The following ARHGEF10L variants were observed in gnomAD, a reference collection of about 807,000 sequenced individuals.
ARHGEF10L encodes the protein rho guanine nucleotide exchange factor 10-like protein.
A neutral mutation model predicts 141.2 loss-of-function variants in ARHGEF10L; 69 were observed. That is an observed-to-expected ratio of 0.49 (90% CI 0.40 to 0.60). ARHGEF10L has a LOEUF of 0.60. ARHGEF10L is among the 20% of genes least tolerant of loss of function. The pLI is 0.00. For missense variants in ARHGEF10L, 1,482 were observed against 1,734.3 expected (o/e 0.85, Z 2.58); for synonymous variants, 711 against 718.5 (o/e 0.99, Z 0.17).
the ARHGEF10L span, among the ~76,000 whole-genome samples, chr1:17,515,965 C>T: frequency 6.6e-6 from 1 of 152,226 alleles, no homozygotes; most frequent in South Asian, 2.1e-4. Flanking sequence ...AAAGTTGAGC[C>T]TCAGTTAATG....
upstream of ARHGEF10L, among the ~76,000 whole-genome samples, chr1:17,535,503 C>T (rs1476188635): frequency 6.6e-6 from 1 of 152,164 alleles, no homozygotes; most frequent in Non-Finnish European, 1.5e-5. Flanking sequence ...CCTGGGTCCC[C>T]ATCTTGGCTT....
intron 1 of ARHGEF10L, 139 bp from the exon 2 acceptor site, chr1:17,580,414 G>A: frequency 1.5e-6 from 1 of 678,730 alleles, no homozygotes; most frequent in East Asian, 2.7e-5. Flanking sequence ...GAAGGCTGGA[G>A]GCTGGGGCCT....
At chr1:17,578,427 G>C (rs765342609) in intron 1 of ARHGEF10L, among the ~76,000 whole-genome samples, 15 of 152,232 alleles carry the variant, frequency 9.9e-5, no homozygotes, top group Non-Finnish European at 2.2e-4. Context: ...GTTCACATCT[G>C]TGATCCCAGC....
chr1:17,583,058 T>TC (rs2078713301), intron 2 of ARHGEF10L, among the ~76,000 whole-genome samples: 2 of 75,406 alleles, frequency 2.7e-5, no homozygotes, highest in African/African-American at 1.5e-4. Flanking sequence ...CTACAAAAAA[T>TC]GAAAAAAAAA....
intron 4 of ARHGEF10L, among the ~76,000 whole-genome samples, chr1:17,590,840 A>G (rs899442198): frequency 6.6e-6 from 1 of 152,160 alleles, no homozygotes; most frequent in Non-Finnish European, 1.5e-5. Flanking sequence ...TACAAAAATT[A>G]GCCGGTCCTG....
intron 4 of ARHGEF10L, among the ~76,000 whole-genome samples, chr1:17,595,036 C>G (rs1318618037): frequency 2.0e-5 from 3 of 151,918 alleles, no homozygotes; most frequent in Non-Finnish European, 4.4e-5. Context: ...CTCTCTCTTC[C>G]TTTTTAAAAA....
At chr1:17,653,899 G>A (rs2102004808) in intron 22 of ARHGEF10L, among the ~76,000 whole-genome samples, 1 of 152,344 alleles carries the variant, frequency 6.6e-6, no homozygotes, top group South Asian at 2.1e-4. Flanking sequence ...AATTTTGTTA[G>A]AATATTCTAA....
chr1:17,655,801 G>A, intron 23 of ARHGEF10L, 78 bp from the exon 24 acceptor site: 1 of 1,349,430 alleles, frequency 7.4e-7, no homozygotes, highest in Non-Finnish European at 1.0e-6. Context: ...GGGGTCCTTG[G>A]GAAAGCAGGG....
At chr1:17,590,010 G>C (rs867988216) in intron 4 of ARHGEF10L, among the ~76,000 whole-genome samples, 3 of 152,042 alleles carry the variant, frequency 2.0e-5, no homozygotes, top group South Asian at 2.1e-4. Flanking sequence ...CCTGAGCAGA[G>C]GTACAGGGCT....
In ARHGEF10L at chr1:17,697,386, C is replaced by T; in HGVS notation, c.*6C>T. 1.3e-5 allele frequency: 21 copies of T among 1,574,944 alleles called. No individual in the cohort carries two copies. The highest frequency in any genetic ancestry group is 1.7e-5 in the Non-Finnish European group (20 of 1,158,198). Reference sequence around the variant, plus strand: ...AGGTGCCCTTGATGCTATAGCGCCTCCCCTCTCCCCTCAGAGGGCACAGCT... The same window carrying T: ...AGGTGCCCTTGATGCTATAGCGCCTTCCCTCTCCCCTCAGAGGGCACAGCT... On this transcript the variant is annotated 3_prime_UTR_variant, in exon 29 of 29. Coordinates refer to ENST00000361221, the MANE Select transcript of ARHGEF10L (RefSeq NM_018125.4). The surrounding 1 kb of genome is among the most constrained non-coding windows in gnomAD (Gnocchi z 4.8).
chr1:17,648,547 G>A lies in ARHGEF10L; in HGVS notation c.2273-7G>A, dbSNP rs200528635. 90 of 1,613,538 alleles carry A rather than the reference G, an allele frequency of 5.6e-5. No individual in the cohort carries two copies. The African/African-American group carries it at 1.2e-3, about 21-fold the overall frequency. On this transcript the variant is annotated splice_polypyrimidine_tract_variant and splice_region_variant and intron_variant, in intron 21 of 28. Coordinates refer to ENST00000361221, the MANE Select transcript of ARHGEF10L (RefSeq NM_018125.4). ...CAGCTCTACCCACCTCCTTCCTCTT[G>A]CTGTAGGGGAGGAGAACCAGCCAGG... is the stretch of plus-strand genomic sequence containing the variant.
the ARHGEF10L span, among the ~76,000 whole-genome samples, chr1:17,530,341 G>A: frequency 6.6e-6 from 1 of 152,156 alleles, no homozygotes; most frequent in Admixed American, 6.5e-5. Context: ...CAGCTCTGTG[G>A]GACAATGGGT....
At chr1:17,651,673 G>A (rs186923639) in intron 22 of ARHGEF10L, among the ~76,000 whole-genome samples, 1 of 152,276 alleles carries the variant, frequency 6.6e-6, no homozygotes, top group East Asian at 1.9e-4. Flanking sequence ...CCTCCTCAGT[G>A]CGAGCTCTCA....
At position 17,639,907 on chromosome 1, in the gene ARHGEF10L, C is replaced by A. The variant is rs184393543; in HGVS notation, c.2172-295C>A. The A allele has an allele frequency of 3.3e-4, 475 of 1,441,950 alleles. No individual in the cohort carries two copies. The highest frequency in any genetic ancestry group is 3.6e-4 in the Non-Finnish European group (393 of 1,086,924). The allele number at this position is 1,441,950 out of a possible 1,614,324, so 89.3% of individuals were successfully genotyped here. A position where few individuals can be genotyped will look rare whatever the true frequency, so the allele number is the denominator to read the frequency against. On this transcript the variant is annotated intron_variant, in intron 20 of 28. Coordinates refer to ENST00000361221, the MANE Select transcript of ARHGEF10L (RefSeq NM_018125.4). The surrounding 1 kb of genome is among the most constrained non-coding windows in gnomAD (Gnocchi z 4.3). ...GCTGACCAGGTGGAGTCACAGCCTG[C>A]AGAGGCTCTGCCGGGCACAAAGCCA... is the stretch of plus-strand genomic sequence containing the variant.
intron 26 of ARHGEF10L, among the ~76,000 whole-genome samples, chr1:17,683,954 C>T (rs1426375238): frequency 6.6e-6 from 1 of 152,200 alleles, no homozygotes; most frequent in South Asian, 2.1e-4. Context: ...CTTCGGGAGT[C>T]GAGCGGCAGG....
At chr1:17,549,049 G>C (rs1242813843) in intron 1 of ARHGEF10L, among the ~76,000 whole-genome samples, 2 of 150,474 alleles carry the variant, frequency 1.3e-5, no homozygotes, top group African/African-American at 2.4e-5. Flanking sequence ...TTGAGATGGA[G>C]TGTTGCTCTG....
At position 17,603,779 on chromosome 1, in the gene ARHGEF10L, G is replaced by A. The variant is rs1557797671; in HGVS notation, c.433+188G>A. Among the ~76,000 whole-genome samples, 1 of 152,228 alleles carries A rather than the reference G, an allele frequency of 6.6e-6. No individual in the cohort carries two copies. Among genetic ancestry groups the A allele is most frequent in the Non-Finnish European group, 1.5e-5 (1 of 68,040 alleles). ...GGCTGAGGGCGTGGCCACCGGGGCC[G>A]GGCAGGGCTTGGGCATCATGGGCAG... On this transcript the variant is annotated intron_variant, in intron 6 of 28. Transcript: ENST00000361221. This position sits in a 1 kb window ranked among gnomAD's most constrained non-coding sequence, Gnocchi z 4.8.
chr1:17,663,411 G>A (rs1041807019), intron 25 of ARHGEF10L, among the ~76,000 whole-genome samples: 2 of 152,040 alleles, frequency 1.3e-5, no homozygotes, highest in African/African-American at 2.4e-5. Context: ...AAATTAACTG[G>A]GTGTGGTGGC....
intron 25 of ARHGEF10L, among the ~76,000 whole-genome samples, chr1:17,659,757 A>G (rs564099474): frequency 6.6e-6 from 1 of 152,204 alleles, no homozygotes; most frequent in East Asian, 1.9e-4. Flanking sequence ...TGAGACCAAG[A>G]CTGGCATTCC....
Sources: allele counts gnomAD v4.1 joint callset (sites outside exome capture counted in the v4.1 genomes callset), GRCh38; gene constraint gnomAD v4.1.1; non-coding constraint Gnocchi (gnomAD v3.1); transcripts MANE v1.5; gene names NCBI Gene and HGNC (gene_info 2026-07-23, HGNC 2026-07-21).